The following SHROOM3 variants were observed in gnomAD, a reference collection of about 807,000 sequenced individuals.
The protein encoded by SHROOM3 is protein Shroom3.
A neutral mutation model predicts 138.6 loss-of-function variants in SHROOM3; 47 were observed. The ratio of observed to expected loss-of-function variants is 0.34; its 90% CI spans 0.27 to 0.43. The LOEUF (loss-of-function observed/expected upper bound fraction) is 0.43, where lower values mean the gene tolerates loss of function less well. Ranked by LOEUF, SHROOM3 falls within the 20% of genes least tolerant of loss-of-function variation. The pLI, the probability that SHROOM3 is intolerant of heterozygous loss-of-function variation, is 1.00. For missense variants in SHROOM3, 2,491 were observed against 2,596.5 expected (o/e 0.96, Z 0.88); for synonymous variants, 1,062 against 1,063.3 (o/e 1.00, Z 0.02).
At chr4:76,718,149 A>G (rs1168125664) in intron 3 of SHROOM3, among the ~76,000 whole-genome samples, 1 of 152,236 alleles carries the variant, frequency 6.6e-6, no homozygotes, top group Non-Finnish European at 1.5e-5. Context: ...AAAAAAGACA[A>G]CATGAACTGC....
chr4:76,504,158 A>AC lies in SHROOM3; in HGVS notation c.169-51451_169-51450insC, dbSNP rs1732155763. ...TGTTGAGAGAGAAGCCGACTTCTCA[A>AC]AAAAATTTTTTTTTTTTGAAACGGA... On this transcript the variant is annotated intron_variant, in intron 1 of 10. Coordinates refer to ENST00000296043, the MANE Select transcript of SHROOM3 (RefSeq NM_020859.4). Among the ~76,000 whole-genome samples, 3 of 151,914 alleles carry AC rather than the reference A, an allele frequency of 2.0e-5. No homozygotes were observed. In the South Asian group the frequency reaches 6.2e-4, roughly 32 times the overall value.
At chr4:76,526,612 C>T (rs572541530) in intron 1 of SHROOM3, among the ~76,000 whole-genome samples, 1 of 152,242 alleles carries the variant, frequency 6.6e-6, no homozygotes, top group African/African-American at 2.4e-5. Flanking sequence ...GTACACTGTA[C>T]ACCACATGGG....
intron 3 of SHROOM3, chr4:76,716,141 TC>T: frequency 2.9e-6 from 1 of 339,744 alleles, no homozygotes; most frequent in South Asian, 2.5e-5. Context: ...CTTCTCTTCT[TC>T]CCTCTTACAG....
chr4:76,675,675 T>C (rs988346685), intron 2 of SHROOM3, among the ~76,000 whole-genome samples: 4 of 152,126 alleles, frequency 2.6e-5, no homozygotes, highest in Non-Finnish European at 4.4e-5. Context: ...CTAGGCAACA[T>C]AGAGGCCCCA....
At position 76,738,945 on chromosome 4, in the gene SHROOM3, T is replaced by C; in HGVS notation, c.772T>C (p.Ser258Pro). The change falls in exon 5 of 11, where the codon TCG becomes CCG. Residue 258 changes from serine (S) to proline (P), a missense_variant. Ser to Pro is a moderately conservative substitution (Grantham distance 74). Around this residue, in one of 4 missense-constraint regions of SHROOM3, gnomAD observed 284 missense variants for 322.8 expected, o/e 0.88. Transcript: ENST00000296043. ...CAGCCACTTCCATAACAAGAGAGAC[T>C]CGGCTTACAGCTCTTTCTCCACCAG... The part of the protein sequence containing the change: ...QLSHFHNKRD[S>P]AYSSFSTSSS... The C allele has an allele frequency of 1.9e-6, 3 of 1,614,196 alleles. No homozygotes were observed. The highest frequency in any genetic ancestry group is 2.5e-6 in the Non-Finnish European group (3 of 1,180,014).
chr4:76,617,974 GA>G (rs1335011847), intron 2 of SHROOM3, among the ~76,000 whole-genome samples: 1 of 152,236 alleles, frequency 6.6e-6, no homozygotes, highest in African/African-American at 2.4e-5. Flanking sequence ...TTAGAAACAA[GA>G]TGCTGGCAAG....
At chr4:76,717,796 T>C (rs1720419378) in intron 3 of SHROOM3, among the ~76,000 whole-genome samples, 1 of 152,232 alleles carries the variant, frequency 6.6e-6, no homozygotes, top group African/African-American at 2.4e-5. Flanking sequence ...ATAGTCTTCT[T>C]ATTCAACTTT....
chr4:76,593,450 A>C lies in SHROOM3; in HGVS notation c.323+37687A>C, dbSNP rs552879173. Among the ~76,000 whole-genome samples, 21 of 152,348 alleles carry C rather than the reference A, an allele frequency of 1.4e-4. No homozygotes were observed. The South Asian group carries it at 2.1e-3, about 15-fold the overall frequency. On this transcript the variant is annotated intron_variant, in intron 2 of 10. Transcript: ENST00000296043. The stretch of plus-strand genomic sequence containing the variant: ...GAACACAGATGATATAATTTAATAT[A>C]AATCTGAAAGAATGATAAAACCACC...
intron 2 of SHROOM3, among the ~76,000 whole-genome samples, chr4:76,657,481 G>T (rs1289607577): frequency 6.6e-6 from 1 of 152,104 alleles, no homozygotes; most frequent in Non-Finnish European, 1.5e-5. Flanking sequence ...AAAGCTATTT[G>T]CCTTAACTTG....
intron 1 of SHROOM3, among the ~76,000 whole-genome samples, chr4:76,490,200 G>A (rs1731820568): frequency 6.6e-6 from 1 of 152,134 alleles, no homozygotes; most frequent in South Asian, 2.1e-4. Flanking sequence ...CTAGAGTGAA[G>A]TTACAAAGTT....
intron 2 of SHROOM3, among the ~76,000 whole-genome samples, chr4:76,703,270 G>GA (rs1252464757): frequency 6.6e-6 from 1 of 152,184 alleles, no homozygotes; most frequent in Non-Finnish European, 1.5e-5. Context: ...ATACAGGCCT[G>GA]AGGGCATGCA....
At chr4:76,464,316 C>T (rs530474767) in intron 1 of SHROOM3, among the ~76,000 whole-genome samples, 7 of 152,162 alleles carry the variant, frequency 4.6e-5, no homozygotes. Context: ...TGCATGGGAC[C>T]TGTAGCTTCT....
intron 2 of SHROOM3, among the ~76,000 whole-genome samples, chr4:76,640,356 C>G (rs1396047952): frequency 1.3e-5 from 2 of 152,178 alleles, no homozygotes; most frequent in Non-Finnish European, 2.9e-5. Flanking sequence ...AAAATATGCT[C>G]TCCCGCGTCA....
intron 2 of SHROOM3, among the ~76,000 whole-genome samples, chr4:76,695,312 AC>A (rs1278357481): frequency 3.9e-5 from 6 of 152,202 alleles, no homozygotes; most frequent in African/African-American, 1.4e-4. Flanking sequence ...TTATTTGTGA[AC>A]AAAAAATTGG....
In SHROOM3 at chr4:76,739,655, A is replaced by G. The variant is rs1721184153; in HGVS notation, c.1482A>G (p.Ala494=). The G allele has an allele frequency of 1.9e-6, 3 of 1,614,054 alleles. No individual in the cohort carries two copies. The highest frequency in any genetic ancestry group is 1.1e-5 in the South Asian group (1 of 91,080). Residue 494 remains alanine (A), a synonymous_variant, in exon 5 of 11, where the codon GCA becomes GCG. Transcript: ENST00000296043. ...SVSSNGMLYP[A]LAKESGYIAP... The stretch of plus-strand genomic sequence containing the variant: ...GTAGCAACGGTATGCTCTACCCTGC[A>G]CTGGCCAAGGAGAGTGGATACATAG...
rs540279674 is a variant in SHROOM3, at chr4:76,738,351, C to G, written c.588-410C>G. On this transcript the variant is annotated intron_variant, in intron 4 of 10. Transcript: ENST00000296043. The stretch of plus-strand genomic sequence containing the variant: ...TCACCCGTGCCTATTCTCTTATTAA[C>G]TTTTTCCCCTCTTCCCACAAACAGC... Among the ~76,000 whole-genome samples the G allele has an allele frequency of 3.9e-5, 6 of 152,300 alleles. No individual in the cohort carries two copies. In the South Asian group the frequency reaches 1.2e-3, roughly 32 times the overall value.
In SHROOM3 at chr4:76,618,703, C is replaced by T. The variant is rs370552216; in HGVS notation, c.323+62940C>T. Among the ~76,000 whole-genome samples the T allele has an allele frequency of 3.3e-5, 5 of 152,298 alleles. 1 individual carries two copies. Among genetic ancestry groups the T allele is most frequent in the African/African-American group, 1.2e-4 (5 of 41,550 alleles). ...TATTTCCTAAGAACATGGATATTCT[C>T]TTTTATAGCTACAGTATAATTGTCA... On this transcript the variant is annotated intron_variant, in intron 2 of 10. Coordinates refer to ENST00000296043, the MANE Select transcript of SHROOM3 (RefSeq NM_020859.4).
At position 76,687,537 on chromosome 4, in the gene SHROOM3, C is replaced by T. The variant is rs573173226; in HGVS notation, c.324-22619C>T. Among the ~76,000 whole-genome samples the T allele has an allele frequency of 9.9e-5, 15 of 152,260 alleles. 1 individual carries two copies. The highest frequency in any genetic ancestry group is 3.4e-4 in the African/African-American group (14 of 41,550). ...GGAGGTACCAGTTGAGCAAACTAAC[C>T]CCCAGCTCATGCAGAGAGACATTAG... On this transcript the variant is annotated intron_variant, in intron 2 of 10. Coordinates refer to ENST00000296043, the MANE Select transcript of SHROOM3 (RefSeq NM_020859.4).
At chr4:76,766,020 CTATTT>C (rs1316408622) in intron 9 of SHROOM3, among the ~76,000 whole-genome samples, 1 of 152,168 alleles carries the variant, frequency 6.6e-6, no homozygotes, top group Non-Finnish European at 1.5e-5. Flanking sequence ...TTCTTATGAG[CTATTT>C]TAATAAAGTG....
Sources: gnomAD v4.1 joint callset for allele counts (sites outside exome capture counted in the v4.1 genomes callset) on GRCh38, gnomAD v4.1.1 for gene constraint, gnomAD v4.1.1 regional missense constraint, MANE v1.5 for transcripts, NCBI Gene and HGNC (gene_info 2026-07-23, HGNC 2026-07-21) for gene names.